The following NTNG1 variants were observed in gnomAD, a reference collection of about 807,000 sequenced individuals.
NTNG1 encodes the protein netrin G1, also known as netrin-G1.
Under a neutral mutation model 54.0 loss-of-function variants are expected in NTNG1, and 16 were observed. That is an observed-to-expected ratio of 0.30 (90% CI 0.20 to 0.45). The LOEUF is 0.45. Among genes scored for constraint, NTNG1 ranks in the 20% least tolerant of loss-of-function variants. NTNG1 has a pLI of 1.00. For synonymous variants in NTNG1, 255 were observed against 263.1 expected, an observed-to-expected ratio of 0.97 and a Z score of 0.30; for missense variants, 530 against 678.7, an observed-to-expected ratio of 0.78 and a Z score of 2.43.
intron 2 of NTNG1, among the ~76,000 whole-genome samples, chr1:107,239,447 G>C (rs1661664963): frequency 6.6e-6 from 1 of 151,958 alleles, no homozygotes; most frequent in African/African-American, 2.4e-5. Context: ...ACCATTTTTT[G>C]GAATTAACAC....
At chr1:107,448,686 T>C (rs1330476491) in intron 7 of NTNG1, among the ~76,000 whole-genome samples, 1 of 152,078 alleles carries the variant, frequency 6.6e-6, no homozygotes, top group East Asian at 1.9e-4. Context: ...AAAATAATGG[T>C]GGCTGGGAAG....
At chr1:107,239,622 T>C (rs1661682816) in intron 2 of NTNG1, among the ~76,000 whole-genome samples, 1 of 152,166 alleles carries the variant, frequency 6.6e-6, no homozygotes, top group Non-Finnish European at 1.5e-5. Context: ...AGCTCACAAT[T>C]TGTTATTAAG....
At chr1:107,421,386 T>C (rs1048209053) in intron 5 of NTNG1, among the ~76,000 whole-genome samples, 12 of 152,094 alleles carry the variant, frequency 7.9e-5, no homozygotes, top group Non-Finnish European at 1.6e-4. Flanking sequence ...CATGTGTGAA[T>C]AAGAATTACA....
At chr1:107,379,352 C>T (rs911645813) in intron 3 of NTNG1, among the ~76,000 whole-genome samples, 3 of 152,178 alleles carry the variant, frequency 2.0e-5, no homozygotes, top group African/African-American at 4.8e-5. Flanking sequence ...CTTCCACCTT[C>T]GTTTCAGATG....
intron 2 of NTNG1, among the ~76,000 whole-genome samples, chr1:107,271,235 C>T (rs762172027): frequency 1.3e-5 from 2 of 152,068 alleles, no homozygotes; most frequent in African/African-American, 2.4e-5. Context: ...TTTTAGGGTA[C>T]ATGTGCACAA....
At chr1:107,220,402 C>G (rs578160403) in intron 2 of NTNG1, among the ~76,000 whole-genome samples, 2 of 152,340 alleles carry the variant, frequency 1.3e-5, no homozygotes, top group South Asian at 4.1e-4. Flanking sequence ...ATGTGGGTTT[C>G]CACATGCTTC....
intron 2 of NTNG1, among the ~76,000 whole-genome samples, chr1:107,239,041 A>G (rs1001476111): frequency 6.6e-6 from 1 of 152,172 alleles, no homozygotes; most frequent in Non-Finnish European, 1.5e-5. Context: ...ATACCAAACA[A>G]GGTAGTAACT....
chr1:107,264,169 C>A (rs1442281523), intron 2 of NTNG1, among the ~76,000 whole-genome samples: 1 of 152,040 alleles, frequency 6.6e-6, no homozygotes, highest in Admixed American at 6.6e-5. Context: ...CACACACACG[C>A]CCTTCTATTT....
chr1:107,312,720 A>G (rs551720832), intron 2 of NTNG1, among the ~76,000 whole-genome samples: 77 of 152,264 alleles, frequency 5.1e-4, no homozygotes, highest in African/African-American at 1.8e-3. Context: ...TGGGGACTGG[A>G]CTTACCAGGC....
intron 2 of NTNG1, among the ~76,000 whole-genome samples, chr1:107,310,067 A>G (rs1186685027): frequency 6.6e-6 from 1 of 152,072 alleles, no homozygotes; most frequent in Non-Finnish European, 1.5e-5. Context: ...AAAATTCCTA[A>G]CCATAAGGGT....
chr1:107,463,735 C>T (rs1344485925), intron 7 of NTNG1, among the ~76,000 whole-genome samples: 1 of 151,944 alleles, frequency 6.6e-6, no homozygotes, highest in Non-Finnish European at 1.5e-5. Flanking sequence ...ACTCACCAGT[C>T]TATATAAGGC....
intron 3 of NTNG1, among the ~76,000 whole-genome samples, chr1:107,362,114 A>T (rs189365712): frequency 1.3e-5 from 2 of 152,128 alleles, no homozygotes; most frequent in Non-Finnish European, 2.9e-5. Flanking sequence ...AAGAGCACCC[A>T]TCCCTGAAAC....
At chr1:107,175,137 T>C (rs1417446716) in intron 2 of NTNG1, among the ~76,000 whole-genome samples, 3 of 152,314 alleles carry the variant, frequency 2.0e-5, no homozygotes, top group African/African-American at 7.2e-5. Context: ...GGCTCTTCTA[T>C]GATGCTTCTT....
Position 107,314,821 on chromosome 1 carries a change from A to G in NTNG1, c.247-9461A>G, listed in dbSNP as rs545543690. 9.8e-4 allele frequency among the ~76,000 whole-genome samples: 150 copies of G among 152,326 alleles called. 1 individual carries two copies. Among genetic ancestry groups the G allele is most frequent in the African/African-American group, 3.4e-3 (141 of 41,572 alleles). ...TGAGACTTACTAGCTCAAATTTATT[A>G]AATTTAGCAAGTAATAACTTAGCAA... On this transcript the variant is annotated intron_variant, in intron 2 of 7. Coordinates refer to ENST00000370068, the MANE Select transcript of NTNG1 (RefSeq NM_001113226.3).
At chr1:107,232,344 A>G (rs966052333) in intron 2 of NTNG1, among the ~76,000 whole-genome samples, 1 of 152,144 alleles carries the variant, frequency 6.6e-6, no homozygotes, top group African/African-American at 2.4e-5. Flanking sequence ...TGCTTAAACC[A>G]ATTCTTCTCT....
intron 4 of NTNG1, among the ~76,000 whole-genome samples, chr1:107,405,977 T>A (rs1458961896): frequency 2.0e-5 from 3 of 152,178 alleles, no homozygotes; most frequent in Non-Finnish European, 4.4e-5. Context: ...CACGTTCAGC[T>A]TGAAATTCAT....
At position 107,148,308 on chromosome 1, in the gene NTNG1, T is replaced by C. The variant is rs1570704713; in HGVS notation, c.-286T>C. The stretch of plus-strand genomic sequence containing the variant: ...AAACTAGACCTGAGTCTAATAGATA[T>C]GTTCTAAGACAAAGAAAAAGCTGCA... On this transcript the variant is annotated 5_prime_UTR_variant, in exon 2 of 8. The change abolishes an upstream ATG in the 5' untranslated region. Transcript: ENST00000370068. 5 of 303,182 alleles carry C rather than the reference T, an allele frequency of 1.6e-5. No homozygotes were observed. The East Asian group carries it at 1.9e-4, about 12-fold the overall frequency. 18.8% of individuals were successfully genotyped at this position (303,182 alleles called of 1,614,324 possible).
In NTNG1 at chr1:107,390,378, CT is replaced by C. The variant is rs1672289245; in HGVS notation, c.888-4773del. On this transcript the variant is annotated intron_variant, in intron 3 of 7. Transcript: ENST00000370068. Reference sequence around the variant, plus strand: ...TCAGAATAATTACGCTATGCAAATGCTTTGTTTTTTTCTCTCCCCTGAGCTG... The same window carrying C: ...TCAGAATAATTACGCTATGCAAATGCTTGTTTTTTTCTCTCCCCTGAGCTG... Among the ~76,000 whole-genome samples, 4 of 152,170 alleles carry C rather than the reference CT, an allele frequency of 2.6e-5. No homozygotes were observed. In the South Asian group the frequency reaches 8.3e-4, roughly 32 times the overall value.
intron 4 of NTNG1, among the ~76,000 whole-genome samples, chr1:107,406,151 A>G (rs1370138197): frequency 6.6e-6 from 1 of 152,204 alleles, no homozygotes; most frequent in African/African-American, 2.4e-5. Context: ...TAAAAGAATC[A>G]GAGTAAGTCT....
Sources: allele counts gnomAD v4.1 joint callset (sites outside exome capture counted in the v4.1 genomes callset), GRCh38; gene constraint gnomAD v4.1.1; transcripts MANE v1.5; gene names NCBI Gene and HGNC (gene_info 2026-07-23, HGNC 2026-07-21).